NPLOC4: variants seen among roughly 807,000 people sequenced by gnomAD.
NPLOC4 encodes the protein nuclear protein localization protein 4 homolog.
Under a neutral mutation model 80.6 loss-of-function variants are expected in NPLOC4, and 18 were observed. The ratio of observed to expected loss-of-function variants is 0.22; its 90% CI spans 0.15 to 0.33. The LOEUF is 0.33. Ranked by LOEUF, NPLOC4 falls within the 10% of genes least tolerant of loss-of-function variation. The pLI, the probability that NPLOC4 is intolerant of heterozygous loss-of-function variation, is 1.00. For synonymous variants in NPLOC4, 313 were observed against 301.5 expected, an observed-to-expected ratio of 1.04 and a Z score of -0.39; for missense variants, 540 against 786.1, an observed-to-expected ratio of 0.69 and a Z score of 3.74.
chr17:81,574,768 C>T (rs2034248847), intron 12 of NPLOC4, among the ~76,000 whole-genome samples: 1 of 152,130 alleles, frequency 6.6e-6, no homozygotes, highest in African/African-American at 2.4e-5. Flanking sequence ...AATCCCAGCG[C>T]TTTGGGAGGC....
intron 10 of NPLOC4, among the ~76,000 whole-genome samples, chr17:81,596,702 A>C (rs1406450923): frequency 1.3e-5 from 2 of 152,376 alleles, no homozygotes; most frequent in East Asian, 3.9e-4. Flanking sequence ...GCACTATGCA[A>C]ACCACCCCGC....
intron 9 of NPLOC4, among the ~76,000 whole-genome samples, chr17:81,597,904 C>G (rs71373084): frequency 0.26 from 39,678 of 151,254 alleles, 6,327 homozygotes; most frequent in Non-Finnish European, 0.36. Context: ...ACCATCCTGG[C>G]TAACATGGTG....
intron 3 of NPLOC4, among the ~76,000 whole-genome samples, chr17:81,617,000 C>T (rs1598673379): frequency 1.3e-5 from 2 of 152,162 alleles, no homozygotes; most frequent in South Asian, 2.1e-4. Flanking sequence ...GCAGCTAGAC[C>T]GCATGCCAGG....
intron 12 of NPLOC4, among the ~76,000 whole-genome samples, chr17:81,576,607 A>G (rs1403790582): frequency 6.6e-6 from 1 of 152,146 alleles, no homozygotes; most frequent in Non-Finnish European, 1.5e-5. Flanking sequence ...AAATCAGAAA[A>G]TATTTCAGCT....
intron 3 of NPLOC4, among the ~76,000 whole-genome samples, chr17:81,621,074 T>A (rs2035652323): frequency 7.5e-6 from 1 of 133,972 alleles, no homozygotes; most frequent in Non-Finnish European, 1.6e-5. Flanking sequence ...GAAGGAAGTA[T>A]CAAGATGCAA....
chr17:81,625,205 G>C (rs2035766184), intron 2 of NPLOC4, among the ~76,000 whole-genome samples: 1 of 152,182 alleles, frequency 6.6e-6, no homozygotes, highest in Non-Finnish European at 1.5e-5. Context: ...GAGAATTCTA[G>C]ATTGAGAAAC....
At chr17:81,594,369 G>A (rs1016813699) in intron 11 of NPLOC4, among the ~76,000 whole-genome samples, 1 of 149,028 alleles carries the variant, frequency 6.7e-6, no homozygotes, top group Non-Finnish European at 1.5e-5. Flanking sequence ...ATTAACGTGT[G>A]AAAGATGCCT....
At chr17:81,594,723 C>T (rs1255872768) in intron 11 of NPLOC4, among the ~76,000 whole-genome samples, 2 of 151,790 alleles carry the variant, frequency 1.3e-5, no homozygotes, top group African/African-American at 2.4e-5. Flanking sequence ...TGCAGGGAGC[C>T]GAGATCGCGC....
chr17:81,613,725 A>C (rs2035402993), intron 3 of NPLOC4, among the ~76,000 whole-genome samples: 1 of 152,172 alleles, frequency 6.6e-6, no homozygotes, highest in African/African-American at 2.4e-5. Flanking sequence ...ACTTTACCTT[A>C]AACTCTGTGA....
rs917169606 is a variant in NPLOC4 at position 81,580,461 on chromosome 17, C to T, written c.1282-8373G>A. Among the ~76,000 whole-genome samples the T allele has an allele frequency of 1.3e-5, 2 of 152,182 alleles. No homozygotes were observed. The highest frequency in any genetic ancestry group is 4.8e-5 in the African/African-American group (2 of 41,446). ...ACAGCCATCTCCCTTCAGCACCTTT[C>T]AGAAGCCCTCATCTCACTTCCAACC... On this transcript the variant is annotated intron_variant, in intron 12 of 16. Transcript: ENST00000331134. This position sits in a 1 kb window ranked among gnomAD's most constrained non-coding sequence, Gnocchi z 4.4.
At chr17:81,603,279 T>C (rs2035116577) in intron 8 of NPLOC4, among the ~76,000 whole-genome samples, 1 of 151,832 alleles carries the variant, frequency 6.6e-6, no homozygotes, top group African/African-American at 2.4e-5. Context: ...AAATGTGCAC[T>C]TTTTTTTTCT....
chr17:81,622,063 T>C (rs2035684398), intron 3 of NPLOC4, 103 bp downstream of exon 3: 1 of 784,954 alleles, frequency 1.3e-6, no homozygotes, highest in Non-Finnish European at 2.2e-6. Context: ...AAGACCATAA[T>C]GAGTGGTGTG....
intron 2 of NPLOC4, among the ~76,000 whole-genome samples, chr17:81,627,484 A>G (rs560939467): frequency 3.5e-4 from 53 of 152,286 alleles, no homozygotes; most frequent in African/African-American, 9.6e-4. Context: ...TCACGCCTGT[A>G]ACCCCAGCAC....
At chr17:81,619,270 G>A (rs2035597633) in intron 3 of NPLOC4, among the ~76,000 whole-genome samples, 1 of 152,032 alleles carries the variant, frequency 6.6e-6, no homozygotes, top group South Asian at 2.1e-4. Context: ...CCAGCTATTC[G>A]GGAGGCTGAG....
At chr17:81,616,496 C>A (rs1023017623) in intron 3 of NPLOC4, among the ~76,000 whole-genome samples, 4 of 151,136 alleles carry the variant, frequency 2.6e-5, no homozygotes, top group Non-Finnish European at 4.4e-5. Flanking sequence ...GTTGGGAGGC[C>A]GAGGCAGGAG....
chr17:81,605,721 T>C (rs2035184786), intron 7 of NPLOC4, among the ~76,000 whole-genome samples: 1 of 151,848 alleles, frequency 6.6e-6, no homozygotes, highest in Non-Finnish European at 1.5e-5. Flanking sequence ...TATAGGAGGA[T>C]GGAGATGGGT....
chr17:81,627,843 G>A (rs1244020909), intron 2 of NPLOC4, among the ~76,000 whole-genome samples: 3 of 152,102 alleles, frequency 2.0e-5, no homozygotes, highest in African/African-American at 7.2e-5. Context: ...GGCTGAGGCA[G>A]GAGAACTGCT....
chr17:81,568,347 T>C (rs1335857415), intron 14 of NPLOC4, among the ~76,000 whole-genome samples: 2 of 152,140 alleles, frequency 1.3e-5, no homozygotes, highest in African/African-American at 4.8e-5. Flanking sequence ...ATAACTGGCT[T>C]TGCACCTCTG....
At chr17:81,596,076 G>T (rs200820996) in intron 11 of NPLOC4, 40 bp downstream of exon 11, 2 of 1,572,348 alleles carry the variant, frequency 1.3e-6, no homozygotes, top group Non-Finnish European at 1.7e-6. Flanking sequence ...ATATATTAAC[G>T]AGGTGGTAAT....
Sources: gnomAD v4.1 joint callset for allele counts (sites outside exome capture counted in the v4.1 genomes callset) on GRCh38, gnomAD v4.1.1 for gene constraint, Gnocchi (gnomAD v3.1) non-coding constraint, MANE v1.5 for transcripts, NCBI Gene and HGNC (gene_info 2026-07-23, HGNC 2026-07-21) for gene names.